Variants in C16orf87 observed in about 807,000 individuals in gnomAD.
The protein encoded by C16orf87 is UPF0547 protein C16orf87.
Under a neutral mutation model 21.0 loss-of-function variants are expected in C16orf87, and 13 were observed. The observed-to-expected ratio is 0.62, with a 90% confidence interval of 0.40 to 0.98. C16orf87 has a LOEUF of 0.98. Among genes scored for constraint, C16orf87 ranks in the 50% least tolerant of loss-of-function variants. The pLI is 0.00. For synonymous variants in C16orf87, 49 were observed against 60.2 expected, an observed-to-expected ratio of 0.81 and a Z score of 0.86; for missense variants, 113 against 180.4, an observed-to-expected ratio of 0.63 and a Z score of 2.14.
At chr16:46,809,111 A>T (rs965495033) in intron 3 of C16orf87, among the ~76,000 whole-genome samples, 1 of 151,862 alleles carries the variant, frequency 6.6e-6, no homozygotes, top group Non-Finnish European at 1.5e-5. Flanking sequence ...TAGCCTGGGC[A>T]ACATGGTGAA....
At chr16:46,827,062 T>A (rs779026958) in intron 1 of C16orf87, among the ~76,000 whole-genome samples, 6 of 152,242 alleles carry the variant, frequency 3.9e-5, no homozygotes, top group Non-Finnish European at 7.3e-5. Context: ...AAACACTGAC[T>A]AACTGAATTA....
chr16:46,815,844 A>G (rs968070441), intron 2 of C16orf87, among the ~76,000 whole-genome samples: 1 of 152,206 alleles, frequency 6.6e-6, no homozygotes, highest in Non-Finnish European at 1.5e-5. Flanking sequence ...CAGTAAATTC[A>G]GTCCTCAAAA....
intron 2 of C16orf87, among the ~76,000 whole-genome samples, chr16:46,813,095 C>T (rs1447355813): frequency 6.6e-6 from 1 of 152,080 alleles, no homozygotes; most frequent in Non-Finnish European, 1.5e-5. Context: ...ATCTCGTAAA[C>T]CCACAGCATT....
At chr16:46,831,011 C>T (rs1283710350) in intron 1 of C16orf87, 73 bp downstream of exon 1, 7 of 1,258,908 alleles carry the variant, frequency 5.6e-6, no homozygotes, top group South Asian at 2.8e-5. Flanking sequence ...GGGAGCCCGG[C>T]GAGGCCCCCC....
At chr16:46,807,693 T>C (rs1459258495) in intron 3 of C16orf87, among the ~76,000 whole-genome samples, 1 of 152,230 alleles carries the variant, frequency 6.6e-6, no homozygotes, top group Non-Finnish European at 1.5e-5. Context: ...AAGATTCCAG[T>C]TTGTGCTACA....
At position 46,831,126 on chromosome 16, in the gene C16orf87, T is replaced by C. The variant is rs1959845111; in HGVS notation, c.24A>G (p.Lys8=). The stretch of plus-strand genomic sequence containing the variant: ...GGCATGATTTGGTGGCCATCTTCAC[T>C]TTCTTGGCTCGAGTTGCAGACATGC... The part of the protein sequence containing the change: MSATRAK[K]VKMATKSCPE... Residue 8 remains lysine, a synonymous_variant, in exon 1 of 4, where the codon AAA becomes AAG. Transcript: ENST00000285697. 6.3e-7 allele frequency: 1 copy of C among 1,579,456 alleles called. No homozygotes were observed. Among genetic ancestry groups the C allele is most frequent in the Non-Finnish European group, 8.6e-7 (1 of 1,161,318 alleles).
intron 2 of C16orf87, among the ~76,000 whole-genome samples, chr16:46,813,476 C>CT (rs1237562100): frequency 2.7e-5 from 3 of 111,878 alleles, no homozygotes; most frequent in Admixed American, 1.9e-4. Context: ...CCAATATTAT[C>CT]TTAAAAAAAA....
chr16:46,818,216 C>T (rs1302729843), intron 2 of C16orf87, among the ~76,000 whole-genome samples: 5 of 152,224 alleles, frequency 3.3e-5, no homozygotes, highest in Middle Eastern at 3.4e-3. Context: ...CAGAACCAAA[C>T]CTCCACAGTC....
chr16:46,807,241 G>C (rs1055466823), intron 3 of C16orf87, among the ~76,000 whole-genome samples: 1 of 152,154 alleles, frequency 6.6e-6, no homozygotes, highest in Non-Finnish European at 1.5e-5. Flanking sequence ...AGGAGTTTGA[G>C]ACCAGCCTGA....
intron 2 of C16orf87, 88 bp from the exon 3 acceptor site, chr16:46,809,873 T>A: frequency 1.3e-6 from 1 of 797,282 alleles, no homozygotes; most frequent in Non-Finnish European, 2.0e-6. Context: ...TCTTTCTAAA[T>A]AGCACTAGAG....
At chr16:46,827,661 C>T (rs1250473629) in intron 1 of C16orf87, among the ~76,000 whole-genome samples, 1 of 151,994 alleles carries the variant, frequency 6.6e-6, no homozygotes, top group Non-Finnish European at 1.5e-5. Flanking sequence ...TGGCTCACTG[C>T]AACCTCTGCC....
At chr16:46,805,067 CTT>C (rs1967887072) in intron 3 of C16orf87, among the ~76,000 whole-genome samples, 2 of 152,140 alleles carry the variant, frequency 1.3e-5, no homozygotes, top group African/African-American at 2.4e-5. Context: ...TATAATTTCT[CTT>C]TTTAACCATC....
In C16orf87 at chr16:46,799,240, A is replaced by G. The variant is rs1001969937; in HGVS notation, c.*3712T>C. ...AGTAGTAAGTACTACTAATATTCAA[A>G]CTATAATAAATGGGTTAAGGCAGCA... is the stretch of plus-strand genomic sequence containing the variant. On this transcript the variant is annotated 3_prime_UTR_variant, in exon 4 of 4. Coordinates refer to ENST00000285697, the MANE Select transcript of C16orf87 (RefSeq NM_001001436.4). The G allele has an allele frequency of 6.6e-6, 1 of 152,190 alleles. No individual in the cohort carries two copies. The highest frequency in any genetic ancestry group is 1.5e-5 in the Non-Finnish European group (1 of 68,026). The allele number at this position is 152,190 out of a possible 1,614,324, so 9.4% of individuals were successfully genotyped here. A position where few individuals can be genotyped will look rare whatever the true frequency, so the allele number is the denominator to read the frequency against.
rs144804776 is a variant in C16orf87, at chr16:46,814,460, G to A, written c.164-4675C>T. On this transcript the variant is annotated intron_variant, in intron 2 of 3. Coordinates refer to ENST00000285697, the MANE Select transcript of C16orf87 (RefSeq NM_001001436.4). ...ATAGGAAAAAGCCAGCTCCTCACAG[G>A]AATGAAATACTGTAAGAGATTTCAC... Among the ~76,000 whole-genome samples, 296 of 152,252 alleles carry A rather than the reference G, an allele frequency of 1.9e-3. 1 individual carries two copies. Among genetic ancestry groups the A allele is most frequent in the African/African-American group, 6.7e-3 (280 of 41,550 alleles).
At position 46,797,747 on chromosome 16, in the gene C16orf87, T is replaced by A. The variant is rs564169175; in HGVS notation, c.*5205A>T. The A allele has an allele frequency of 6.6e-6, 1 of 152,228 alleles. No individual in the cohort carries two copies. The highest frequency in any genetic ancestry group is 1.5e-5 in the Non-Finnish European group (1 of 68,044). 9.4% of individuals were successfully genotyped at this position (152,228 alleles called of 1,614,324 possible). On this transcript the variant is annotated 3_prime_UTR_variant, in exon 4 of 4. Transcript: ENST00000285697. Reference sequence around the variant, plus strand: ...ACATTCCACTTGAACTGGTAAAATATTGACTTCTAAGTGAACTGTAAAAAG... The same window carrying A: ...ACATTCCACTTGAACTGGTAAAATAATGACTTCTAAGTGAACTGTAAAAAG...
intron 1 of C16orf87, among the ~76,000 whole-genome samples, chr16:46,828,797 G>T (rs906857560): frequency 6.6e-6 from 1 of 152,044 alleles, no homozygotes; most frequent in African/African-American, 2.4e-5. Flanking sequence ...TGGCTTTCTG[G>T]ATTATAATCA....
chr16:46,816,650 T>C (rs893289707), intron 2 of C16orf87, among the ~76,000 whole-genome samples: 1 of 152,200 alleles, frequency 6.6e-6, no homozygotes, highest in African/African-American at 2.4e-5. Flanking sequence ...CTGCTAATTA[T>C]ATACCCATTA....
At chr16:46,816,322 T>G (rs1055061207) in intron 2 of C16orf87, among the ~76,000 whole-genome samples, 4 of 152,172 alleles carry the variant, frequency 2.6e-5, no homozygotes, top group African/African-American at 7.2e-5. Context: ...TGGTTAAGAA[T>G]ACAATATGAA....
At chr16:46,817,025 C>T (rs1257765223) in intron 2 of C16orf87, among the ~76,000 whole-genome samples, 2 of 152,190 alleles carry the variant, frequency 1.3e-5, no homozygotes, top group African/African-American at 4.8e-5. Flanking sequence ...TATCCTTGTA[C>T]TGCCTATCTT....
Sources: gnomAD v4.1 joint callset for allele counts (sites outside exome capture counted in the v4.1 genomes callset) on GRCh38, gnomAD v4.1.1 for gene constraint, MANE v1.5 for transcripts, NCBI Gene and HGNC (gene_info 2026-07-23, HGNC 2026-07-21) for gene names.